The following CACNA1C variants were observed in gnomAD, a reference collection of about 807,000 sequenced individuals.
CACNA1C encodes the protein calcium voltage-gated channel subunit alpha1 C, also known as voltage-dependent L-type calcium channel subunit alpha-1C.
In CACNA1C, 30 loss-of-function variants were observed where a neutral mutation model predicts 229.0. The observed-to-expected ratio is 0.13, with a 90% confidence interval of 0.10 to 0.18. The LOEUF (loss-of-function observed/expected upper bound fraction) is 0.18, where lower values mean the gene tolerates loss of function less well. Among genes scored for constraint, CACNA1C ranks in the 10% least tolerant of loss-of-function variants. The pLI, the probability that CACNA1C is intolerant of heterozygous loss-of-function variation, is 1.00. For missense variants in CACNA1C, 1,658 were observed against 2,845.0 expected (o/e 0.58, Z 9.49); for synonymous variants, 1,114 against 1,132.5 (o/e 0.98, Z 0.33).
intron 5 of CACNA1C, among the ~76,000 whole-genome samples, chr12:2,457,953 G>A (rs1250209341): frequency 6.6e-6 from 1 of 152,222 alleles, no homozygotes. Flanking sequence ...TCAGCCACAT[G>A]AATCCTACAT....
intron 1 of CACNA1C, among the ~76,000 whole-genome samples, chr12:2,073,617 G>A (rs978041315): frequency 6.6e-5 from 10 of 152,186 alleles, no homozygotes; most frequent in Admixed American, 1.3e-4. Flanking sequence ...CTCAGAGGGC[G>A]GCTGGAATCA....
At position 1,990,651 on chromosome 12, in the gene CACNA1C, T is replaced by A. The variant is rs150501551; in HGVS notation, c.139+19450T>A. On this transcript the variant is annotated intron_variant, in intron 1 of 46. Coordinates refer to the CACNA1C transcript ENST00000682462. ...ATGGCCTATGACATACATAAGCCAATGTGAAATGCAAAGACCAGACAGAGA... is the reference window on the plus strand; with the variant it reads ...ATGGCCTATGACATACATAAGCCAAAGTGAAATGCAAAGACCAGACAGAGA... Among the ~76,000 whole-genome samples, 2 of 152,210 alleles carry A rather than the reference T, an allele frequency of 1.3e-5. 1 individual carries two copies. The highest frequency in any genetic ancestry group is 4.8e-5 in the African/African-American group (2 of 41,546).
At chr12:2,527,087 A>G (rs2099819719) in intron 9 of CACNA1C, among the ~76,000 whole-genome samples, 1 of 152,250 alleles carries the variant, frequency 6.6e-6, no homozygotes, top group Non-Finnish European at 1.5e-5. Flanking sequence ...AAGTAAGGAT[A>G]TTAAGACATT....
chr12:2,353,456 T>C (rs2154527746), intron 3 of CACNA1C, among the ~76,000 whole-genome samples: 1 of 152,352 alleles, frequency 6.6e-6, no homozygotes, highest in South Asian at 2.1e-4. Context: ...GCTGCCGCGC[T>C]CAGCACCTGG....
At position 2,679,889 on chromosome 12, in the gene CACNA1C, C is replaced by G; in HGVS notation, c.5444+93C>G. 1.1e-6 allele frequency: 1 copy of G among 909,112 alleles called. No individual in the cohort carries two copies. Among genetic ancestry groups the G allele is most frequent in the Admixed American group, 2.8e-5 (1 of 35,928 alleles). The allele number at this position is 909,112 out of a possible 1,614,324, so 56.3% of individuals were successfully genotyped here. On this transcript the variant is annotated intron_variant, in intron 42 of 46. Coordinates refer to ENST00000399655, the MANE Select transcript of CACNA1C (RefSeq NM_000719.7). This position sits in a 1 kb window ranked among gnomAD's most constrained non-coding sequence, Gnocchi z 5.5. ...GGAGGAGACGGAGGCCTCGGCCAGCCACTTGTCCCTCAAGCTTCCAGGAGG... is the reference window on the plus strand; with the variant it reads ...GGAGGAGACGGAGGCCTCGGCCAGCGACTTGTCCCTCAAGCTTCCAGGAGG...
intron 1 of CACNA1C, among the ~76,000 whole-genome samples, chr12:2,080,034 G>A (rs2064872196): frequency 1.3e-5 from 2 of 152,188 alleles, no homozygotes; most frequent in African/African-American, 2.4e-5. Context: ...GCTGAGGCGG[G>A]CAGATCACTT....
At chr12:2,193,062 G>C (rs751289893) in intron 3 of CACNA1C, among the ~76,000 whole-genome samples, 9 of 152,236 alleles carry the variant, frequency 5.9e-5, no homozygotes, top group Non-Finnish European at 1.3e-4. Context: ...GAAGCTGTTA[G>C]TTGCTGTGAT....
At chr12:2,278,019 G>T (rs887841717) in intron 3 of CACNA1C, among the ~76,000 whole-genome samples, 3 of 152,218 alleles carry the variant, frequency 2.0e-5, no homozygotes, top group African/African-American at 7.2e-5. Flanking sequence ...GGTGCTGACA[G>T]GCCTCAAGCC....
intron 3 of CACNA1C, among the ~76,000 whole-genome samples, chr12:2,221,368 G>A (rs904882264): frequency 6.6e-6 from 1 of 152,208 alleles, no homozygotes; most frequent in East Asian, 1.9e-4. Flanking sequence ...TTGGGTAGGA[G>A]AATAGAGGCT....
intron 1 of CACNA1C, among the ~76,000 whole-genome samples, chr12:2,000,218 T>C (rs1288797996): frequency 6.6e-6 from 1 of 152,206 alleles, no homozygotes; most frequent in Non-Finnish European, 1.5e-5. Flanking sequence ...TATTTGGTAT[T>C]ATCCATTACA....
chr12:2,031,495 T>C (rs546019016), intron 1 of CACNA1C, among the ~76,000 whole-genome samples: 109 of 152,354 alleles, frequency 7.2e-4, no homozygotes, highest in African/African-American at 2.5e-3. Context: ...CCTTGTCCCA[T>C]GTCTTTTGTT....
chr12:2,640,849 C>T (rs928034356), intron 30 of CACNA1C, among the ~76,000 whole-genome samples: 1 of 152,242 alleles, frequency 6.6e-6, no homozygotes, highest in Admixed American at 6.5e-5. Context: ...GGAGGAAAAG[C>T]AGTCAGTCCT....
intron 3 of CACNA1C, among the ~76,000 whole-genome samples, chr12:2,379,795 G>A (rs2098181332): frequency 6.6e-6 from 1 of 151,856 alleles, no homozygotes; most frequent in African/African-American, 2.4e-5. Flanking sequence ...ACTTTGGGAG[G>A]CCGAGGCGGG....
At chr12:2,353,148 C>T (rs772650176) in intron 3 of CACNA1C, among the ~76,000 whole-genome samples, 2 of 152,154 alleles carry the variant, frequency 1.3e-5, no homozygotes, top group Non-Finnish European at 2.9e-5. Context: ...AGGAAGGCCA[C>T]GTCACTCTGG....
intron 3 of CACNA1C, among the ~76,000 whole-genome samples, chr12:2,344,622 G>C (rs1202254462): frequency 6.6e-6 from 1 of 152,134 alleles, no homozygotes; most frequent in Non-Finnish European, 1.5e-5. Context: ...TCTGTGGGCT[G>C]TCCTGGGATG....
At chr12:2,337,399 G>A (rs1026642483) in intron 3 of CACNA1C, among the ~76,000 whole-genome samples, 5 of 152,296 alleles carry the variant, frequency 3.3e-5, no homozygotes, top group Admixed American at 6.5e-5. Context: ...CTCTGGGCGT[G>A]AGCCTGAGGG....
rs141957930 is a variant in CACNA1C at position 2,508,184 on chromosome 12, T to G, written c.1217+3239T>G. On this transcript the variant is annotated intron_variant, in intron 8 of 46. Coordinates refer to ENST00000399655, the MANE Select transcript of CACNA1C (RefSeq NM_000719.7). ...TGGAGCCTTCTGGGACTGGGAGAAG[T>G]GGGTGTGAAACCCTGCATTCCAACA... Among the ~76,000 whole-genome samples, 316 of 152,360 alleles carry G rather than the reference T, an allele frequency of 2.1e-3. 1 individual carries two copies. The highest frequency in any genetic ancestry group is 7.5e-3 in the African/African-American group (310 of 41,584).
intron 29 of CACNA1C, among the ~76,000 whole-genome samples, chr12:2,627,950 C>T (rs1033113840): frequency 5.9e-5 from 9 of 152,194 alleles, no homozygotes; most frequent in Non-Finnish European, 1.3e-4. Context: ...GCTGCCTCCC[C>T]TGTGTTTCTT....
chr12:2,559,926 C>T (rs2046560717), intron 11 of CACNA1C, among the ~76,000 whole-genome samples: 1 of 152,284 alleles, frequency 6.6e-6, no homozygotes, highest in South Asian at 2.1e-4. Flanking sequence ...TGATTTAAAC[C>T]AGTATCTCTA....
Sources: allele counts gnomAD v4.1 joint callset (sites outside exome capture counted in the v4.1 genomes callset), GRCh38; gene constraint gnomAD v4.1.1; non-coding constraint Gnocchi (gnomAD v3.1); transcripts MANE v1.5; gene names NCBI Gene and HGNC (gene_info 2026-07-23, HGNC 2026-07-21).